Variants in PROK2 observed in about 807,000 individuals in gnomAD.
PROK2 encodes prokineticin 2, also known as prokineticin-2.
PROK2 carries 8 observed loss-of-function variants against 14.2 expected under a neutral mutation model. That is an observed-to-expected ratio of 0.56 (90% CI 0.33 to 1.02). The LOEUF (loss-of-function observed/expected upper bound fraction) is 1.02, where lower values mean the gene tolerates loss of function less well. Among genes scored for constraint, PROK2 ranks in the 50% least tolerant of loss-of-function variants. The pLI is 0.03. For missense variants in PROK2, 154 were observed against 160.4 expected (o/e 0.96, Z 0.22); for synonymous variants, 59 against 60.7 (o/e 0.97, Z 0.13).
At chr3:71,780,856 C>G (rs2050155161) in intron 2 of PROK2, among the ~76,000 whole-genome samples, 1 of 152,170 alleles carries the variant, frequency 6.6e-6, no homozygotes, top group South Asian at 2.1e-4. Context: ...TATGATCATG[C>G]CACTACTGTT....
chr3:71,775,547 G>A lies in PROK2; in HGVS notation c.223-1040C>T, dbSNP rs186738225. Among the ~76,000 whole-genome samples, 24 of 152,304 alleles carry A rather than the reference G, an allele frequency of 1.6e-4. No homozygotes were observed. The East Asian group carries it at 4.1e-3, about 26-fold the overall frequency. ...AAAAATCACATGGATTGTGCGCCATGGGTCAGGTCTCAGAAGGCATCATGT... is the reference window on the plus strand; with the variant it reads ...AAAAATCACATGGATTGTGCGCCATAGGTCAGGTCTCAGAAGGCATCATGT... On this transcript the variant is annotated intron_variant, in intron 2 of 3. Coordinates refer to ENST00000295619, the MANE Select transcript of PROK2 (RefSeq NM_001126128.2).
intron 2 of PROK2, among the ~76,000 whole-genome samples, chr3:71,780,701 G>A (rs2050154128): frequency 6.6e-6 from 1 of 152,140 alleles, no homozygotes; most frequent in South Asian, 2.1e-4. Flanking sequence ...TCAACCAGAA[G>A]GCCAAGAACC....
intron 1 of PROK2, among the ~76,000 whole-genome samples, chr3:71,784,293 T>A (rs571002313): frequency 1.5e-3 from 235 of 152,322 alleles, no homozygotes; most frequent in Non-Finnish European, 1.9e-3. Flanking sequence ...AGCAACCTAC[T>A]CCATCATTAT....
At chr3:71,776,232 G>A (rs573392570) in intron 2 of PROK2, among the ~76,000 whole-genome samples, 59 of 152,138 alleles carry the variant, frequency 3.9e-4, no homozygotes, top group African/African-American at 1.4e-3. Flanking sequence ...GAACTGCAGG[G>A]TCCTTAATAC....
intron 2 of PROK2, among the ~76,000 whole-genome samples, chr3:71,778,022 C>T (rs1008678321): frequency 4.0e-5 from 6 of 151,816 alleles, no homozygotes; most frequent in South Asian, 2.1e-4. Context: ...GGTGAAACCC[C>T]GTCTCTACGA....
intron 1 of PROK2, among the ~76,000 whole-genome samples, chr3:71,783,253 C>T (rs115602247): frequency 1.3e-3 from 194 of 152,246 alleles, no homozygotes; most frequent in African/African-American, 4.3e-3. Context: ...ATGCTATACA[C>T]AATGTATCTT....
At chr3:71,777,148 C>T (rs1578410231) in intron 2 of PROK2, among the ~76,000 whole-genome samples, 1 of 152,238 alleles carries the variant, frequency 6.6e-6, no homozygotes, top group Middle Eastern at 3.4e-3. Flanking sequence ...CTGGGCAAAG[C>T]GCATATAGTA....
At chr3:71,775,984 C>T (rs1489480529) in intron 2 of PROK2, among the ~76,000 whole-genome samples, 3 of 152,178 alleles carry the variant, frequency 2.0e-5, no homozygotes, top group South Asian at 2.1e-4. Flanking sequence ...CAAAACGTAA[C>T]TCACACCACC....
chr3:71,783,658 A>G (rs907968869), intron 1 of PROK2, among the ~76,000 whole-genome samples: 17 of 152,234 alleles, frequency 1.1e-4, no homozygotes, highest in Non-Finnish European at 2.2e-4. Flanking sequence ...TCTTGGGCTC[A>G]GAGGATTAGG....
At chr3:71,777,078 G>A (rs2322144) in intron 2 of PROK2, among the ~76,000 whole-genome samples, 57,472 of 152,078 alleles carry the variant, frequency 0.38, 11,876 homozygotes, top group East Asian at 0.69. Flanking sequence ...CTGTATCAAC[G>A]TCAATATCCT....
At chr3:71,778,721 T>C (rs558784150) in intron 2 of PROK2, among the ~76,000 whole-genome samples, 26 of 152,336 alleles carry the variant, frequency 1.7e-4, no homozygotes, top group African/African-American at 6.0e-4. Context: ...GAACAGACCA[T>C]ACAGCTGAGA....
intron 2 of PROK2, among the ~76,000 whole-genome samples, chr3:71,780,513 A>G (rs1164995910): frequency 1.3e-5 from 2 of 152,262 alleles, no homozygotes; most frequent in African/African-American, 2.4e-5. Flanking sequence ...ATGTGTAGAA[A>G]GAACATTCTA....
Position 71,781,493 on chromosome 3 carries a change from C to T in PROK2, c.196G>A (p.Asp66Asn). 2 of 1,614,088 alleles carry T rather than the reference C, an allele frequency of 1.2e-6. No homozygotes were observed. The highest frequency in any genetic ancestry group is 1.7e-6 in the Non-Finnish European group (2 of 1,179,966). Residue 66 changes from aspartate (D) to asparagine (N), a missense_variant, in exon 2 of 4, where the codon GAC (aspartate) becomes AAC (asparagine). Physicochemically the swap from Asp to Asn is conservative, Grantham distance 23. Coordinates refer to ENST00000295619, the MANE Select transcript of PROK2 (RefSeq NM_001126128.2). ...RICTPMGKLG[D>N]SCHPLTRKNN... ...TTACGAGTCAGTGGATGGCAGCTGT[C>T]TCCCAGTTTGCCCATAGGTGTGCAA... is the stretch of plus-strand genomic sequence containing the variant.
chr3:71,774,530 T>C, intron 2 of PROK2, 23 bp from the exon 3 acceptor site: 1 of 1,548,620 alleles, frequency 6.5e-7, no homozygotes, highest in Non-Finnish European at 8.7e-7. Context: ...GGGAGACGAT[T>C]GAGATCAATA....
intron 2 of PROK2, among the ~76,000 whole-genome samples, chr3:71,778,030 C>A (rs965384425): frequency 5.9e-5 from 9 of 151,814 alleles, no homozygotes; most frequent in Non-Finnish European, 1.2e-4. Flanking sequence ...CCCGTCTCTA[C>A]GAAAAATACC....
intron 1 of PROK2, among the ~76,000 whole-genome samples, chr3:71,782,942 C>T (rs2050171152): frequency 6.6e-6 from 1 of 152,072 alleles, no homozygotes; most frequent in African/African-American, 2.4e-5. Context: ...TTCAATTTTC[C>T]AATTTTTATC....
chr3:71,774,567 T>G (rs1490683056), intron 2 of PROK2, 60 bp from the exon 3 acceptor site: 13 of 1,537,128 alleles, frequency 8.5e-6, no homozygotes, highest in African/African-American at 2.8e-5. Context: ...AAAGAGGCAA[T>G]GGGAGGGCAG....
intron 2 of PROK2, among the ~76,000 whole-genome samples, chr3:71,779,671 A>C (rs1487475748): frequency 6.6e-6 from 1 of 152,150 alleles, no homozygotes; most frequent in Non-Finnish European, 1.5e-5. Flanking sequence ...TGGCAAGATC[A>C]CGCTCACTGC....
intron 2 of PROK2, among the ~76,000 whole-genome samples, chr3:71,775,041 G>C (rs1016584953): frequency 6.6e-6 from 1 of 152,134 alleles, no homozygotes; most frequent in African/African-American, 2.4e-5. Context: ...GGATGCTCTA[G>C]GCGTCTAGTG....
Sources: gnomAD v4.1 joint callset for allele counts (sites outside exome capture counted in the v4.1 genomes callset) on GRCh38, gnomAD v4.1.1 for gene constraint, MANE v1.5 for transcripts, NCBI Gene and HGNC (gene_info 2026-07-23, HGNC 2026-07-21) for gene names.